Variants in BLNK observed in about 807,000 individuals in gnomAD.
The protein encoded by BLNK is B-cell linker protein.
Under a neutral mutation model 73.5 loss-of-function variants are expected in BLNK, and 29 were observed. The ratio of observed to expected loss-of-function variants is 0.39; its 90% confidence interval spans 0.29 to 0.54. The LOEUF (loss-of-function observed/expected upper bound fraction) is 0.54, where lower values mean the gene tolerates loss of function less well. BLNK is among the 20% of genes least tolerant of loss of function. The pLI, the probability that BLNK is intolerant of heterozygous loss-of-function variation, is 0.61. For synonymous variants in BLNK, 176 were observed against 200.8 expected, an observed-to-expected ratio of 0.88 and a Z score of 1.04; for missense variants, 460 against 562.8, an observed-to-expected ratio of 0.82 and a Z score of 1.85.
At chr10:96,252,333 G>A (rs1591360017) in intron 1 of BLNK, among the ~76,000 whole-genome samples, 1 of 152,158 alleles carries the variant, frequency 6.6e-6, no homozygotes, top group Admixed American at 6.5e-5. Flanking sequence ...TTACAGGCAT[G>A]AGCCACCATG....
chr10:96,257,189 G>T (rs373445767), intron 1 of BLNK, among the ~76,000 whole-genome samples: 38 of 152,310 alleles, frequency 2.5e-4, no homozygotes, highest in African/African-American at 9.1e-4. Context: ...ACAAGACAAG[G>T]ATGAGACCGC....
chr10:96,226,211 C>T (rs1283486827), intron 5 of BLNK, among the ~76,000 whole-genome samples: 4 of 152,188 alleles, frequency 2.6e-5, no homozygotes, highest in Non-Finnish European at 5.9e-5. Context: ...CAGGGGAAAG[C>T]ACTAAACTGT....
intron 8 of BLNK, among the ~76,000 whole-genome samples, chr10:96,212,612 G>T (rs1413601283): frequency 6.6e-6 from 1 of 152,156 alleles, no homozygotes; most frequent in Non-Finnish European, 1.5e-5. Flanking sequence ...GGCTGTCACT[G>T]CACCAGATTT....
chr10:96,189,600 T>C lies in BLNK; in HGVS notation c.*2373A>G. ...TTTTAATCTTGGTGTTGATGATGGG[T>C]TTGAGTGTTTTCTATTCTGATTTGA... is the stretch of plus-strand genomic sequence containing the variant. On this transcript the variant is annotated 3_prime_UTR_variant, in exon 17 of 17. Coordinates refer to ENST00000224337, the MANE Select transcript of BLNK (RefSeq NM_013314.4). 1.4e-6 allele frequency: 1 copy of C among 691,974 alleles called. No individual in the cohort carries two copies. Among genetic ancestry groups the C allele is most frequent in the Non-Finnish European group, 2.7e-6 (1 of 371,220 alleles). 42.9% of individuals were successfully genotyped at this position (691,974 alleles called of 1,614,324 possible).
At chr10:96,203,810 C>A in intron 13 of BLNK, 1 of 346,550 alleles carries the variant, frequency 2.9e-6, no homozygotes, top group Non-Finnish European at 5.2e-6. Context: ...AAAAAGGATG[C>A]ATGATCAGTA....
At chr10:96,258,583 G>A (rs1843617033) in intron 1 of BLNK, among the ~76,000 whole-genome samples, 1 of 152,088 alleles carries the variant, frequency 6.6e-6, no homozygotes. Context: ...CATAAGGCTT[G>A]AGCCCCCTGC....
At chr10:96,215,530 A>T in intron 7 of BLNK, 141 bp from the exon 8 acceptor site, 1 of 654,568 alleles carries the variant, frequency 1.5e-6, no homozygotes, top group Non-Finnish European at 2.6e-6. Flanking sequence ...AGACACCCTT[A>T]TTAGACACAC....
chr10:96,207,135 T>C, intron 10 of BLNK, 82 bp from the exon 11 acceptor site: 1 of 1,343,012 alleles, frequency 7.4e-7, no homozygotes, highest in South Asian at 1.2e-5. Context: ...TTAAAATAAA[T>C]ATTTTGGCAG....
At position 96,191,002 on chromosome 10, in the gene BLNK, C is replaced by G. The variant is rs1410101970; in HGVS notation, c.*971G>C. ...CTTGAATTGTAGCTCCCATAATCCC[C>G]ACGTGCCATGGGAGGGACCTGGTGG... On this transcript the variant is annotated 3_prime_UTR_variant, in exon 17 of 17. Transcript: ENST00000224337. Among the ~76,000 whole-genome samples the G allele has an allele frequency of 6.6e-6, 1 of 152,164 alleles. No homozygotes were observed. Among genetic ancestry groups the G allele is most frequent in the Non-Finnish European group, 1.5e-5 (1 of 68,030 alleles).
intron 1 of BLNK, among the ~76,000 whole-genome samples, chr10:96,251,425 A>C (rs567881526): frequency 1.3e-5 from 2 of 152,364 alleles, no homozygotes; most frequent in African/African-American, 2.4e-5. Context: ...TTCTGGATTC[A>C]AACAGCAATC....
At chr10:96,212,310 A>G (rs1234643122) in intron 8 of BLNK, among the ~76,000 whole-genome samples, 1 of 152,108 alleles carries the variant, frequency 6.6e-6, no homozygotes, top group Non-Finnish European at 1.5e-5. Context: ...ATGGTCATGG[A>G]TCAAGGCAGG....
At chr10:96,220,212 T>C (rs2084164224) in intron 6 of BLNK, among the ~76,000 whole-genome samples, 1 of 152,086 alleles carries the variant, frequency 6.6e-6, no homozygotes, top group African/African-American at 2.4e-5. Context: ...GAGAGAGAGA[T>C]GCTCTCCTCT....
At chr10:96,230,701 G>A (rs1842465437) in intron 4 of BLNK, 93 bp downstream of exon 4, 8 of 1,426,800 alleles carry the variant, frequency 5.6e-6, no homozygotes, top group East Asian at 2.5e-5. Context: ...TGGGACGTGC[G>A]GCTGACCACC....
intron 16 of BLNK, among the ~76,000 whole-genome samples, chr10:96,196,322 G>A (rs777323646): frequency 1.2e-4 from 19 of 152,190 alleles, no homozygotes; most frequent in African/African-American, 4.3e-4. Flanking sequence ...ATTTATAGGA[G>A]CAGGCTGGCT....
chr10:96,203,935 G>C, intron 13 of BLNK, 122 bp downstream of exon 13: 1 of 735,958 alleles, frequency 1.4e-6, no homozygotes, highest in Middle Eastern at 2.5e-4. Context: ...GAAACAAGTG[G>C]GAGAAGATGC....
At chr10:96,227,746 C>T (rs149319091) in intron 4 of BLNK, among the ~76,000 whole-genome samples, 180 bp from the exon 5 acceptor site, 1 of 152,322 alleles carries the variant, frequency 6.6e-6, no homozygotes, top group African/African-American at 2.4e-5. Context: ...GCCTTTCTGC[C>T]TCCAAAGTTT....
intron 3 of BLNK, chr10:96,238,852 T>C: frequency 3.1e-6 from 1 of 321,812 alleles, no homozygotes. Context: ...AAAATCTACG[T>C]GTCTTTCAGT....
At chr10:96,214,154 G>A (rs1257881460) in intron 8 of BLNK, among the ~76,000 whole-genome samples, 1 of 152,172 alleles carries the variant, frequency 6.6e-6, no homozygotes, top group Non-Finnish European at 1.5e-5. Flanking sequence ...GTGTGTGTGT[G>A]CACACGCGCA....
At position 96,197,349 on chromosome 10, in the gene BLNK, G is replaced by A. The variant is rs369247967; in HGVS notation, c.1096-286C>T. Among the ~76,000 whole-genome samples, 13 of 152,182 alleles carry A rather than the reference G, an allele frequency of 8.5e-5. No individual in the cohort carries two copies. In the East Asian group the frequency reaches 1.5e-3, roughly 18 times the overall value. On this transcript the variant is annotated intron_variant, in intron 15 of 16. Coordinates refer to ENST00000224337, the MANE Select transcript of BLNK (RefSeq NM_013314.4). ...AGAAACAGTCTCACTTTGTTGCCCA[G>A]GCTGGTGTGCAGTGGTGCAATCACA...
Sources: gnomAD v4.1 joint callset for allele counts (sites outside exome capture counted in the v4.1 genomes callset) on GRCh38, gnomAD v4.1.1 for gene constraint, MANE v1.5 for transcripts, NCBI Gene and HGNC (gene_info 2026-07-23, HGNC 2026-07-21) for gene names.